Variants in FRY observed in about 807,000 individuals in gnomAD.
FRY encodes the protein FRY microtubule binding protein.
FRY carries 128 observed loss-of-function variants against 348.4 expected under a neutral mutation model. The observed-to-expected ratio is 0.37, with a 90% CI of 0.32 to 0.43. FRY has a LOEUF of 0.43. FRY is among the 20% of genes least tolerant of loss of function. FRY has a pLI of 1.00. For missense variants in FRY, 2,736 were observed against 3,695.2 expected, an observed-to-expected ratio of 0.74 and a Z score of 6.73; for synonymous variants, 1,370 against 1,374.7, an observed-to-expected ratio of 1.00 and a Z score of 0.08.
intron 1 of FRY, among the ~76,000 whole-genome samples, chr13:32,069,267 G>C (rs572291434): frequency 6.6e-6 from 1 of 152,140 alleles, no homozygotes; most frequent in Admixed American, 6.5e-5. Context: ...TCCCTCTAAC[G>C]GCTAAAAAGT....
intron 1 of FRY, among the ~76,000 whole-genome samples, chr13:32,076,545 G>C (rs996549766): frequency 2.0e-5 from 3 of 152,150 alleles, no homozygotes; most frequent in African/African-American, 7.2e-5. Flanking sequence ...AATAAATAGT[G>C]CCTTTTAGTG....
intron 28 of FRY, among the ~76,000 whole-genome samples, chr13:32,190,170 A>G (rs1391175086): frequency 6.7e-6 from 1 of 148,870 alleles, no homozygotes; most frequent in African/African-American, 2.5e-5. Flanking sequence ...AGGCACCTTG[A>G]AAAAAAAAAC....
intron 26 of FRY, 145 bp downstream of exon 26, chr13:32,185,293 A>G: frequency 1.4e-6 from 1 of 725,198 alleles, no homozygotes; most frequent in Non-Finnish European, 2.5e-6. Context: ...ACTAGGACAT[A>G]TATATGAGAA....
At chr13:32,204,885 C>T (rs1355666502) in intron 31 of FRY, among the ~76,000 whole-genome samples, 6 of 152,210 alleles carry the variant, frequency 3.9e-5, no homozygotes, top group Non-Finnish European at 8.8e-5. Flanking sequence ...TCCCATCAAA[C>T]GTTCATAGTC....
rs772343880 is a variant in FRY at position 32,225,982 on chromosome 13, A to G, written c.5206+8A>G. On this transcript the variant is annotated splice_region_variant and intron_variant, in intron 39 of 60. Coordinates refer to ENST00000542859, the MANE Select transcript of FRY (RefSeq NM_023037.3). ...CTGAATATCTCTATACAGGTAACAGAGAAGGACTGGTAGAGAGCCTAGGAC... is the reference window on the plus strand; with the variant it reads ...CTGAATATCTCTATACAGGTAACAGGGAAGGACTGGTAGAGAGCCTAGGAC... 6.2e-7 allele frequency: 1 copy of G among 1,612,636 alleles called. No homozygotes were observed. The highest frequency in any genetic ancestry group is 1.1e-5 in the South Asian group (1 of 91,040).
At chr13:32,081,588 G>A (rs899539342) in intron 2 of FRY, among the ~76,000 whole-genome samples, 1 of 152,200 alleles carries the variant, frequency 6.6e-6, no homozygotes, top group Admixed American at 6.5e-5. Flanking sequence ...GCCTCCCAAA[G>A]TGCTGGGATT....
chr13:32,146,575 C>T (rs1477852309), intron 11 of FRY, among the ~76,000 whole-genome samples: 1 of 152,066 alleles, frequency 6.6e-6, no homozygotes. Flanking sequence ...ACCTCGTAAT[C>T]CACCTGCCTC....
chr13:32,191,464 G>T (rs1192980330), intron 28 of FRY, among the ~76,000 whole-genome samples: 1 of 152,138 alleles, frequency 6.6e-6, no homozygotes, highest in Non-Finnish European at 1.5e-5. Context: ...ATAGAAAAAT[G>T]AGCAAGAAAC....
At chr13:32,139,625 T>A (rs1410441487) in intron 11 of FRY, among the ~76,000 whole-genome samples, 2 of 152,248 alleles carry the variant, frequency 1.3e-5, no homozygotes, top group Admixed American at 1.3e-4. Context: ...GAGCACAGAC[T>A]TGAAATCTTT....
chr13:32,262,588 C>T, intron 53 of FRY, 113 bp downstream of exon 53: 1 of 793,650 alleles, frequency 1.3e-6, no homozygotes. Flanking sequence ...CTATCTTTAT[C>T]TTTTTCTTTC....
chr13:32,088,773 A>G (rs1374830821), intron 2 of FRY, among the ~76,000 whole-genome samples: 1 of 152,214 alleles, frequency 6.6e-6, no homozygotes, highest in Non-Finnish European at 1.5e-5. Flanking sequence ...ATCCAATTCA[A>G]TTCATTCATG....
chr13:32,284,855 A>G (rs1888970463), intron 58 of FRY, among the ~76,000 whole-genome samples: 1 of 152,180 alleles, frequency 6.6e-6, no homozygotes, highest in African/African-American at 2.4e-5. Context: ...ATTTTTACTG[A>G]CTGGTTATGT....
chr13:32,121,437 G>A (rs1405554686), intron 4 of FRY, among the ~76,000 whole-genome samples: 3 of 152,012 alleles, frequency 2.0e-5, no homozygotes, highest in Admixed American at 6.6e-5. Context: ...ACATCTACGG[G>A]TTTTTTTGTT....
At chr13:32,235,855 T>C (rs919832614) in intron 42 of FRY, among the ~76,000 whole-genome samples, 1 of 152,186 alleles carries the variant, frequency 6.6e-6, no homozygotes, top group Non-Finnish European at 1.5e-5. Context: ...CAAATGAAAG[T>C]GATCTGTTGA....
At chr13:32,219,815 A>G (rs907443955) in intron 36 of FRY, among the ~76,000 whole-genome samples, 1 of 152,068 alleles carries the variant, frequency 6.6e-6, no homozygotes, top group Non-Finnish European at 1.5e-5. Context: ...AATGCTGCTC[A>G]CTCAGGATAG....
intron 55 of FRY, among the ~76,000 whole-genome samples, chr13:32,270,526 G>A (rs2138577806): frequency 6.6e-6 from 1 of 152,324 alleles, no homozygotes; most frequent in East Asian, 1.9e-4. Context: ...TATTTTTAAA[G>A]AATGATTAAT....
At chr13:32,158,030 T>C (rs904671521) in intron 16 of FRY, among the ~76,000 whole-genome samples, 1 of 152,208 alleles carries the variant, frequency 6.6e-6, no homozygotes, top group African/African-American at 2.4e-5. Context: ...TGTGGCATAA[T>C]TTCCAAAAAT....
At chr13:32,087,530 G>A (rs1265250878) in intron 2 of FRY, among the ~76,000 whole-genome samples, 1 of 152,188 alleles carries the variant, frequency 6.6e-6, no homozygotes, top group Admixed American at 6.5e-5. Context: ...GAACGGGACT[G>A]TGGGTCTAAG....
chr13:32,147,191 G>A lies in FRY; in HGVS notation c.1180-91G>A, dbSNP rs1455865226. The A allele has an allele frequency of 1.4e-5, 11 of 765,010 alleles. No individual in the cohort carries two copies. In the Admixed American group the frequency reaches 2.0e-4, roughly 14 times the overall value. 47.4% of individuals were successfully genotyped at this position (765,010 alleles called of 1,614,324 possible). A position where few individuals can be genotyped will look rare whatever the true frequency, so the allele number is the denominator to read the frequency against. On this transcript the variant is annotated intron_variant, in intron 11 of 60. Coordinates refer to ENST00000542859, the MANE Select transcript of FRY (RefSeq NM_023037.3). The stretch of plus-strand genomic sequence containing the variant: ...GTACCCAGCCATCCACCTGGAGCTT[G>A]CCTTTTCCAGGCCTGCAGATAAGAG...
Sources: allele counts gnomAD v4.1 joint callset (sites outside exome capture counted in the v4.1 genomes callset), GRCh38; gene constraint gnomAD v4.1.1; transcripts MANE v1.5; gene names NCBI Gene and HGNC (gene_info 2026-07-23, HGNC 2026-07-21).